NTM: variants seen among roughly 807,000 people sequenced by gnomAD.
NTM encodes neurotrimin, also known as IgLON family member 2.
In NTM, 13 loss-of-function variants were observed where a neutral mutation model predicts 42.1. The observed-to-expected ratio is 0.31, with a 90% confidence interval of 0.20 to 0.49. The LOEUF is 0.49. NTM is among the 20% of genes least tolerant of loss of function. NTM has a pLI of 0.99. For synonymous variants in NTM, 187 were observed against 179.2 expected (o/e 1.04, Z -0.35); for missense variants, 373 against 452.8 (o/e 0.82, Z 1.60).
chr11:132,099,948 C>G (rs1172449538), intron 2 of NTM, among the ~76,000 whole-genome samples: 1 of 152,128 alleles, frequency 6.6e-6, no homozygotes, highest in East Asian at 1.9e-4. Context: ...CTTCCTCTTT[C>G]ATTTCCTTCC....
chr11:131,489,800 T>C (rs1954581152), intron 1 of NTM, among the ~76,000 whole-genome samples: 2 of 152,258 alleles, frequency 1.3e-5, no homozygotes, highest in Non-Finnish European at 2.9e-5. Context: ...AAGTTCACAA[T>C]GTATTCACTT....
chr11:131,401,826 A>ATGTGTG lies in NTM; in HGVS notation c.82+30939_82+30940insGTGTGT, dbSNP rs1440429853. ...TATATATATATATATATATATATAT[A>ATGTGTG]TATATATATATATATATATATATAT... On this transcript the variant is annotated intron_variant, in intron 1 of 8. Transcript: ENST00000683400. Among the ~76,000 whole-genome samples the ATGTGTG allele has an allele frequency of 2.6e-4, 16 of 60,560 alleles. 1 individual carries two copies. The highest frequency in any genetic ancestry group is 1.3e-3 in the South Asian group (2 of 1,542). 39.7% of individuals were successfully genotyped at this position (60,560 alleles called of 152,430 possible).
At chr11:132,280,596 C>T (rs2093938902) in intron 4 of NTM, among the ~76,000 whole-genome samples, 1 of 149,444 alleles carries the variant, frequency 6.7e-6, no homozygotes, top group Admixed American at 6.8e-5. Context: ...AGCGATTCTC[C>T]TGTCTCAGCC....
intron 2 of NTM, among the ~76,000 whole-genome samples, chr11:132,052,121 G>T (rs1485084919): frequency 6.6e-6 from 1 of 152,180 alleles, no homozygotes; most frequent in African/African-American, 2.4e-5. Context: ...AAATATTGGG[G>T]TGTTAAAGAA....
chr11:132,314,842 AGACACAGAAAGAAATGGAGAGAGAGG>A (rs1382197684), intron 7 of NTM, 139 bp downstream of exon 7: 95 of 1,395,534 alleles, frequency 6.8e-5, no homozygotes, highest in Non-Finnish European at 8.6e-5. Context: ...AAAAAGAGAG[AGACACAGAAAGAAATGGAGAGAGAGG>A]GACAGAGAGA....
chr11:132,175,361 C>T (rs375674904), intron 3 of NTM, among the ~76,000 whole-genome samples: 6 of 152,040 alleles, frequency 3.9e-5, no homozygotes, highest in South Asian at 2.1e-4. Flanking sequence ...CTGCTCTCCA[C>T]GCTGCACCAG....
chr11:131,769,847 C>T (rs1406975864), intron 1 of NTM, among the ~76,000 whole-genome samples: 3 of 152,206 alleles, frequency 2.0e-5, no homozygotes, highest in African/African-American at 4.8e-5. Context: ...GAGAAACACA[C>T]CAGGAAGCCA....
intron 1 of NTM, among the ~76,000 whole-genome samples, chr11:131,599,153 G>C (rs2060232784): frequency 6.6e-6 from 1 of 151,992 alleles, no homozygotes; most frequent in African/African-American, 2.4e-5. Flanking sequence ...GACCTCAGGT[G>C]ATGCACCCAC....
At chr11:132,112,983 G>T (rs944883292) in intron 2 of NTM, among the ~76,000 whole-genome samples, 1 of 152,120 alleles carries the variant, frequency 6.6e-6, no homozygotes, top group Non-Finnish European at 1.5e-5. Context: ...TGGGCCTATT[G>T]GACCATCTTT....
intron 1 of NTM, among the ~76,000 whole-genome samples, chr11:131,626,362 A>G (rs2063105146): frequency 6.6e-6 from 1 of 152,236 alleles, no homozygotes; most frequent in South Asian, 2.1e-4. Flanking sequence ...ACGTATATTC[A>G]TTATTATAAA....
At chr11:131,794,769 C>T in intron 1 of NTM, 1 of 985,344 alleles carries the variant, frequency 1.0e-6, no homozygotes, top group Non-Finnish European at 1.2e-6. Flanking sequence ...GCTCCACACA[C>T]CATGTGAAAA....
intron 1 of NTM, among the ~76,000 whole-genome samples, chr11:131,836,411 A>G (rs577003887): frequency 4.5e-4 from 69 of 152,320 alleles, no homozygotes; most frequent in African/African-American, 1.7e-3. Context: ...TGCTATGGAA[A>G]TTCTCATTTG....
At position 131,373,095 on chromosome 11, in the gene NTM, C is replaced by T. The variant is rs141609851; in HGVS notation, c.82+2207C>T. On this transcript the variant is annotated intron_variant, in intron 1 of 8. Transcript: ENST00000683400. ...AGAACAAGGTTGCCCAATTTTAACG[C>T]AGAACGACCCCCAAAGACCCGCATA... Among the ~76,000 whole-genome samples the T allele has an allele frequency of 2.4e-3, 373 of 152,300 alleles. 1 individual carries two copies. Among genetic ancestry groups the T allele is most frequent in the African/African-American group, 8.4e-3 (351 of 41,570 alleles).
chr11:131,711,857 C>T (rs2077174840), intron 1 of NTM, among the ~76,000 whole-genome samples: 1 of 151,322 alleles, frequency 6.6e-6, no homozygotes, highest in African/African-American at 2.4e-5. Flanking sequence ...TGGAAATCAT[C>T]ATTCTCAGTA....
chr11:131,384,640 G>A (rs1228151705), intron 1 of NTM, among the ~76,000 whole-genome samples: 2 of 152,160 alleles, frequency 1.3e-5, no homozygotes, highest in East Asian at 3.9e-4. Flanking sequence ...GTGATGGCTG[G>A]CCAGGTGAGG....
chr11:131,808,503 G>A (rs868325006), intron 1 of NTM, among the ~76,000 whole-genome samples: 29 of 152,184 alleles, frequency 1.9e-4, no homozygotes, highest in African/African-American at 6.3e-4. Context: ...ACTTAAGAAA[G>A]CCATATCTGT....
chr11:132,210,079 G>A (rs896117638), intron 3 of NTM, among the ~76,000 whole-genome samples: 7 of 152,012 alleles, frequency 4.6e-5, no homozygotes, highest in African/African-American at 1.7e-4. Flanking sequence ...TTAGTGTGAG[G>A]GCCCCACTCT....
chr11:131,570,532 T>C, intron 1 of NTM, among the ~76,000 whole-genome samples: 1 of 152,132 alleles, frequency 6.6e-6, no homozygotes. Flanking sequence ...ATAATAATAA[T>C]TCAAAAACAA....
intron 1 of NTM, among the ~76,000 whole-genome samples, chr11:131,875,977 G>T (rs1429571448): frequency 6.6e-6 from 1 of 152,244 alleles, no homozygotes; most frequent in Non-Finnish European, 1.5e-5. Flanking sequence ...GCAAGGGAGA[G>T]TCGGGCCCAG....
Sources: allele counts gnomAD v4.1 joint callset (sites outside exome capture counted in the v4.1 genomes callset), GRCh38; gene constraint gnomAD v4.1.1; transcripts MANE v1.5; gene names NCBI Gene and HGNC (gene_info 2026-07-23, HGNC 2026-07-21).